TBR1: variants seen among roughly 807,000 people sequenced by gnomAD.
TBR1 encodes T-box brain protein 1.
In TBR1, 7 loss-of-function variants were observed where a neutral mutation model predicts 60.3. The ratio of observed to expected loss-of-function variants is 0.12; its 90% confidence interval spans 0.07 to 0.22. The LOEUF is 0.22. Among genes scored for constraint, TBR1 ranks in the 10% least tolerant of loss-of-function variants. TBR1 has a pLI of 1.00. For synonymous variants in TBR1, 417 were observed against 409.9 expected (o/e 1.02, Z -0.21); for missense variants, 616 against 936.8 (o/e 0.66, Z 4.47).
chr2:161,422,678 GT>G (rs1184758395), intron 5 of TBR1: 1 of 152,176 alleles, frequency 6.6e-6, no homozygotes. Flanking sequence ...AGTAATTCTT[GT>G]TTGTATTAGT....
At chr2:161,423,196 T>G in intron 5 of TBR1, 173 bp from the exon 6 acceptor site, 1 of 470,338 alleles carries the variant, frequency 2.1e-6, no homozygotes. Flanking sequence ...TTGGGAATGA[T>G]AGAGGTCTGT....
At chr2:161,418,033 G>A in intron 2 of TBR1, 168 bp from the exon 3 acceptor site, 1 of 1,454,466 alleles carries the variant, frequency 6.9e-7, no homozygotes, top group South Asian at 1.5e-5. Flanking sequence ...CCAGTTAATA[G>A]GAAGAAAGAA....
rs750572732 is a variant in TBR1 at position 161,417,881 on chromosome 2, GATTA to G, written c.847+57_847+60del. ...TCTTGACACTTATTTAGGTGAGAAT[GATTA>G]ATTAAAGCCTTTGTGGACTGGCTCG... On this transcript the variant is annotated intron_variant, in intron 2 of 5. Transcript: ENST00000389554. The surrounding 1 kb of genome is among the most constrained non-coding windows in gnomAD (Gnocchi z 5.3). 1.3e-5 allele frequency: 21 copies of G among 1,595,444 alleles called. No homozygotes were observed. Among genetic ancestry groups the G allele is most frequent in the Admixed American group, 1.2e-4 (7 of 56,628 alleles).
rs754880254 is a variant in TBR1 at position 161,423,753 on chromosome 2, G to C, written c.1575G>C (p.Pro525=). 2 of 1,494,228 alleles carry C rather than the reference G, an allele frequency of 1.3e-6. No homozygotes were observed. Among genetic ancestry groups the C allele is most frequent in the East Asian group, 5.4e-5 (2 of 36,828 alleles). 92.6% of individuals were successfully genotyped at this position (1,494,228 alleles called of 1,614,324 possible). ...SYAAAGVKAL[P]LQAAGCTGRP... ...CGGCGGCGGGCGTGAAGGCGCTGCC[G>C]CTGCAGGCTGCAGGCTGCACTGGCC... The change falls in exon 6 of 6, where the codon CCG becomes CCC. Residue 525 remains proline, a synonymous_variant. Transcript: ENST00000389554.
chr2:161,420,470 T>C (rs10175058), intron 5 of TBR1: 102,601 of 219,408 alleles, frequency 0.47, 28,270 homozygotes, highest in Admixed American at 0.61. Context: ...CTGGTGACCT[T>C]GTGGCTTGGT....
In TBR1 at chr2:161,419,147, C is replaced by CAACA. The variant is rs1352323402; in HGVS notation, c.1128+97_1128+98insAACA. On this transcript the variant is annotated intron_variant, in intron 4 of 5. Coordinates refer to ENST00000389554, the MANE Select transcript of TBR1 (RefSeq NM_006593.4). ...CCATGCAAGGCTAGGGTACTAGCAG[C>CAACA]GCTAACATCAGCAACAGCTGGCTCC... is the stretch of plus-strand genomic sequence containing the variant. 17 of 1,554,072 alleles carry CAACA rather than the reference C, an allele frequency of 1.1e-5. No homozygotes were observed. The Admixed American group carries it at 3.2e-4, about 29-fold the overall frequency.
At position 161,416,782 on chromosome 2, in the gene TBR1, C is replaced by T. The variant is rs370545735; in HGVS notation, c.372C>T (p.Phe124=). ...QSAATAPSAM[F]PYPGQHGPAH... ...CGGCCACTGCTCCCAGTGCCATGTT[C>T]CCGTACCCCGGCCAGCACGGACCGG... The change falls in exon 1 of 6, where the codon TTC becomes TTT. Residue 124 remains phenylalanine (F), a synonymous_variant. Transcript: ENST00000389554. This position sits in a 1 kb window ranked among gnomAD's most constrained non-coding sequence, Gnocchi z 6.1. 1 of 1,614,042 alleles carries T rather than the reference C, an allele frequency of 6.2e-7. No individual in the cohort carries two copies. Among genetic ancestry groups the T allele is most frequent in the African/African-American group, 1.3e-5 (1 of 74,938 alleles).
intron 5 of TBR1, chr2:161,422,744 G>C (rs1419989900): frequency 6.6e-6 from 1 of 152,220 alleles, no homozygotes; most frequent in Non-Finnish European, 1.5e-5. Flanking sequence ...AAGTACTTTG[G>C]AGGCTTCCAG....
At position 161,423,362 on chromosome 2, in the gene TBR1, C is replaced by T; in HGVS notation, c.1191-7C>T. On this transcript the variant is annotated splice_region_variant and splice_polypyrimidine_tract_variant and intron_variant, in intron 5 of 5. Coordinates refer to ENST00000389554, the MANE Select transcript of TBR1 (RefSeq NM_006593.4). Reference sequence around the variant, plus strand: ...CGGCTCTCTCTCTCTCTCTCCCTACCCCGCAGGATCTACACCGGCTGTGAC... The same window carrying T: ...CGGCTCTCTCTCTCTCTCTCCCTACTCCGCAGGATCTACACCGGCTGTGAC... 6.7e-7 allele frequency: 1 copy of T among 1,490,696 alleles called. No homozygotes were observed. 92.3% of individuals were successfully genotyped at this position (1,490,696 alleles called of 1,614,324 possible).
chr2:161,423,532 G>A lies in TBR1; in HGVS notation c.1354G>A (p.Gly452Ser). Residue 452 changes from glycine to serine, a missense_variant, in exon 6 of 6, where the codon GGC becomes AGC. Transcript: ENST00000389554. ...KARFHPGAGA[G>S]PGPGTDRSVP... ...CCGCTTCCACCCGGGCGCGGGCGCG[G>A]GCCCCGGGCCGGGTACGGACCGCAG... 1 of 1,578,828 alleles carries A rather than the reference G, an allele frequency of 6.3e-7. No individual in the cohort carries two copies. The highest frequency in any genetic ancestry group is 8.6e-7 in the Non-Finnish European group (1 of 1,165,552).
intron 4 of TBR1, 88 bp downstream of exon 4, chr2:161,419,138 T>G (rs1574150344): frequency 6.3e-7 from 1 of 1,582,490 alleles, no homozygotes; most frequent in East Asian, 2.3e-5. Context: ...AAGGCTAGGG[T>G]ACTAGCAGCG....
rs1340272250 is a variant in TBR1 at position 161,423,696 on chromosome 2, C to G, written c.1518C>G (p.Phe506Leu). The G allele has an allele frequency of 6.5e-7, 1 of 1,537,148 alleles. No homozygotes were observed. Among genetic ancestry groups the G allele is most frequent in the East Asian group, 2.5e-5 (1 of 39,522 alleles). Reference protein sequence around the residue: ...AASAYDTATDFAGNAATLLSY... With the variant: ...AASAYDTATDLAGNAATLLSY... Reference sequence around the variant, plus strand: ...CGGCCTATGACACGGCCACGGACTTCGCGGGCAACGCGGCCACGCTGCTCT... The same window carrying G: ...CGGCCTATGACACGGCCACGGACTTGGCGGGCAACGCGGCCACGCTGCTCT... Residue 506 changes from phenylalanine (F) to leucine (L), a missense_variant, in exon 6 of 6, where the codon TTC becomes TTG. This residue lies in a region of TBR1 where 210 missense variants were observed against 297.4 expected (regional missense o/e 0.71). Transcript: ENST00000389554.
intron 4 of TBR1, 108 bp downstream of exon 4, chr2:161,419,158 G>C: frequency 6.6e-7 from 1 of 1,516,834 alleles, no homozygotes; most frequent in Non-Finnish European, 9.0e-7. Context: ...GCTAACATCA[G>C]CAACAGCTGG....
At position 161,419,990 on chromosome 2, in the gene TBR1, A is replaced by G. The variant is rs1215956978; in HGVS notation, c.1129-206A>G. The G allele has an allele frequency of 1.0e-5, 4 of 385,094 alleles. No individual in the cohort carries two copies. In the East Asian group the frequency reaches 1.3e-4, roughly 13 times the overall value. 23.9% of individuals were successfully genotyped at this position (385,094 alleles called of 1,614,324 possible). A position where few individuals can be genotyped will look rare whatever the true frequency, so the allele number is the denominator to read the frequency against. On this transcript the variant is annotated intron_variant, in intron 4 of 5. Transcript: ENST00000389554. ...CAGTTCTTTGGCTATAGGTATCATT[A>G]ATTTAAACATGTTCCTCATAACTTT...
rs778517965 is a variant in TBR1, at chr2:161,423,553, C to G, written c.1375C>G (p.Arg459Gly). ...AGAGPGPGTD[R>G]SVPHTNGLLS... ...CGCGGGCCCCGGGCCGGGTACGGAC[C>G]GCAGCGTGCCGCACACCAACGGGCT... Residue 459 changes from arginine to glycine, a missense_variant, in exon 6 of 6, where the codon CGC (arginine) becomes GGC (glycine). Arg to Gly is a moderately radical substitution (Grantham distance 125). Transcript: ENST00000389554. 1.9e-6 allele frequency: 3 copies of G among 1,561,476 alleles called. No homozygotes were observed. Among genetic ancestry groups the G allele is most frequent in the African/African-American group, 1.4e-5 (1 of 71,076 alleles).
intron 5 of TBR1, chr2:161,422,410 TC>T (rs889940185): frequency 6.6e-6 from 1 of 152,248 alleles, no homozygotes; most frequent in African/African-American, 2.4e-5. Context: ...TTATTTAACT[TC>T]CTTTTGCCTC....
At chr2:161,418,053 A>AT (rs1684160899) in intron 2 of TBR1, 148 bp from the exon 3 acceptor site, 11 of 1,460,980 alleles carry the variant, frequency 7.5e-6, no homozygotes, top group Non-Finnish European at 9.9e-6. Context: ...ATGGCCTAAA[A>AT]AAGCCCCAGT....
At chr2:161,418,534 C>A (rs1163375842) in intron 3 of TBR1, 15 of 652,392 alleles carry the variant, frequency 2.3e-5, no homozygotes, top group Non-Finnish European at 3.7e-5. Context: ...TTTTGGAGTG[C>A]CCGACCTTCC....
Position 161,416,986 on chromosome 2 carries a change from C to T in TBR1, c.576C>T (p.Phe192=), listed in dbSNP as rs1301837342. 8 of 1,614,080 alleles carry T rather than the reference C, an allele frequency of 5.0e-6. No individual in the cohort carries two copies. Among genetic ancestry groups the T allele is most frequent in the Non-Finnish European group, 5.1e-6 (6 of 1,180,058 alleles). ...HSYQGAPFYQ[F]SSTQPGLVPG... ...ACCAAGGAGCTCCGTTCTACCAGTT[C>T]TCCTCCACCCAGCCGGGGCTGGTGC... The change falls in exon 1 of 6, where the codon TTC becomes TTT. Residue 192 remains phenylalanine, a synonymous_variant. Transcript: ENST00000389554. The surrounding 1 kb of genome is among the most constrained non-coding windows in gnomAD (Gnocchi z 6.1).
Sources: gnomAD v4.1 joint callset for allele counts on GRCh38, gnomAD v4.1.1 for gene constraint, gnomAD v4.1.1 regional missense constraint, Gnocchi (gnomAD v3.1) non-coding constraint, MANE v1.5 for transcripts, NCBI Gene and HGNC (gene_info 2026-07-23, HGNC 2026-07-21) for gene names.